The following TENM4 variants were observed in gnomAD, a reference collection of about 807,000 sequenced individuals.
TENM4 encodes teneurin-4.
In TENM4, 82 loss-of-function variants were observed where a neutral mutation model predicts 243.3. The ratio of observed to expected loss-of-function variants is 0.34; its 90% CI spans 0.28 to 0.40. The LOEUF is 0.40. TENM4 is among the 10% of genes least tolerant of loss of function. The probability of loss-of-function intolerance (pLI) is 1.00; values close to 1 mark genes in which losing one functional copy is unlikely to be tolerated. For synonymous variants in TENM4, 1,412 were observed against 1,456.3 expected (o/e 0.97, Z 0.69); for missense variants, 3,138 against 3,673.3 (o/e 0.85, Z 3.77).
intron 1 of TENM4, among the ~76,000 whole-genome samples, chr11:79,324,582 T>C (rs1856943379): frequency 6.6e-6 from 1 of 152,086 alleles, no homozygotes; most frequent in Non-Finnish European, 1.5e-5. Context: ...CATGGATGCA[T>C]GGAATCCATG....
At chr11:79,293,807 A>G (rs780592418) in intron 2 of TENM4, among the ~76,000 whole-genome samples, 2 of 152,200 alleles carry the variant, frequency 1.3e-5, no homozygotes, top group Admixed American at 6.5e-5. Context: ...CAATGACTGC[A>G]GCCACAGGGA....
At chr11:79,237,931 G>T (rs1424254550) in intron 2 of TENM4, among the ~76,000 whole-genome samples, 1 of 152,040 alleles carries the variant, frequency 6.6e-6, no homozygotes, top group Non-Finnish European at 1.5e-5. Flanking sequence ...TTCCTGTCCA[G>T]ATGTACAAAG....
chr11:79,200,780 C>A (rs528575386), intron 3 of TENM4, among the ~76,000 whole-genome samples: 1 of 152,274 alleles, frequency 6.6e-6, no homozygotes, highest in Admixed American at 6.5e-5. Flanking sequence ...AGCCTCTGAA[C>A]GTTTTGCCTG....
At chr11:79,213,058 G>A (rs947069580) in intron 3 of TENM4, among the ~76,000 whole-genome samples, 1 of 152,168 alleles carries the variant, frequency 6.6e-6, no homozygotes, top group African/African-American at 2.4e-5. Flanking sequence ...CAGGCTCATG[G>A]GGATGAATGG....
intron 9 of TENM4, among the ~76,000 whole-genome samples, chr11:78,879,411 T>G (rs7109983): frequency 2.5e-5 from 2 of 78,542 alleles, no homozygotes; most frequent in African/African-American, 5.4e-5. Context: ...AGGTGGGGAG[T>G]GCCTCTGCCC....
chr11:78,800,010 G>A (rs1010020093), intron 15 of TENM4, among the ~76,000 whole-genome samples: 1 of 152,176 alleles, frequency 6.6e-6, no homozygotes, highest in African/African-American at 2.4e-5. Flanking sequence ...AACCAACAGG[G>A]ACAAATGATG....
chr11:79,024,668 C>A (rs1859028635), intron 6 of TENM4, among the ~76,000 whole-genome samples: 1 of 152,188 alleles, frequency 6.6e-6, no homozygotes, highest in African/African-American at 2.4e-5. Flanking sequence ...TAGACTCTAG[C>A]ATACCCCTGG....
chr11:79,399,057 T>G (rs969594436), intron 1 of TENM4, among the ~76,000 whole-genome samples: 1 of 152,136 alleles, frequency 6.6e-6, no homozygotes, highest in Non-Finnish European at 1.5e-5. Context: ...AGAACAGGAT[T>G]TATTCAGCAG....
At chr11:79,412,701 C>T (rs187096173) in intron 1 of TENM4, among the ~76,000 whole-genome samples, 1 of 152,172 alleles carries the variant, frequency 6.6e-6, no homozygotes, top group Non-Finnish European at 1.5e-5. Flanking sequence ...AATACTCATC[C>T]CATCTCCCAG....
chr11:79,164,983 G>GTT, intron 3 of TENM4, among the ~76,000 whole-genome samples: 1 of 151,724 alleles, frequency 6.6e-6, no homozygotes, highest in Non-Finnish European at 1.5e-5. Flanking sequence ...GTGTGTGTGT[G>GTT]TGTGTGTGTG....
intron 6 of TENM4, among the ~76,000 whole-genome samples, chr11:79,007,221 A>G (rs1858508279): frequency 6.6e-6 from 1 of 152,164 alleles, no homozygotes; most frequent in Non-Finnish European, 1.5e-5. Context: ...CCTAAATGCT[A>G]TTTGAATGGT....
At chr11:78,704,375 G>T (rs192538413) in intron 27 of TENM4, among the ~76,000 whole-genome samples, 1 of 151,634 alleles carries the variant, frequency 6.6e-6, no homozygotes, top group African/African-American at 2.4e-5. Flanking sequence ...GTATACCATC[G>T]TCTATAAGAG....
chr11:79,022,146 G>A (rs370069203), intron 6 of TENM4, among the ~76,000 whole-genome samples: 132 of 152,200 alleles, frequency 8.7e-4, no homozygotes, highest in African/African-American at 2.9e-3. Context: ...ATGCTTTACC[G>A]ACCACCTATT....
chr11:79,413,028 C>T (rs758091291), intron 1 of TENM4, among the ~76,000 whole-genome samples: 26 of 152,204 alleles, frequency 1.7e-4, no homozygotes, highest in Non-Finnish European at 3.1e-4. Flanking sequence ...TTAGTTACAG[C>T]ATGTCCTAAT....
Position 79,088,529 on chromosome 11 carries a change from C to G in TENM4, c.-65-18520G>C, listed in dbSNP as rs141086577. 2.0e-5 allele frequency among the ~76,000 whole-genome samples: 3 copies of G among 152,284 alleles called. No individual in the cohort carries two copies. In the East Asian group the frequency reaches 5.8e-4, roughly 29 times the overall value. On this transcript the variant is annotated intron_variant, in intron 4 of 33. Coordinates refer to ENST00000278550, the MANE Select transcript of TENM4 (RefSeq NM_001098816.3). ...GCACAATTCACTTAACCTCTTTATT[C>G]CTCTATATCATCTTTGAAGTGGAGA...
At position 78,746,429 on chromosome 11, in the gene TENM4, C is replaced by T. The variant is rs182775424; in HGVS notation, c.2757-7859G>A. On this transcript the variant is annotated intron_variant, in intron 19 of 33. Coordinates refer to ENST00000278550, the MANE Select transcript of TENM4 (RefSeq NM_001098816.3). ...TGAGCTCCTTCAGACACCAAGGGAG[C>T]GTGAGCTCCCAGGCTGCAGAATCAA... is the stretch of plus-strand genomic sequence containing the variant. Among the ~76,000 whole-genome samples, 759 of 152,364 alleles carry T rather than the reference C, an allele frequency of 5.0e-3. 4 individuals are homozygous for T. Among genetic ancestry groups the T allele is most frequent in the African/African-American group, 0.017 (692 of 41,592 alleles).
chr11:79,085,672 C>T (rs542825888), intron 4 of TENM4, among the ~76,000 whole-genome samples: 3 of 152,120 alleles, frequency 2.0e-5, no homozygotes, highest in Non-Finnish European at 4.4e-5. Context: ...TATTTGCCTT[C>T]CCCTGATTCA....
At chr11:79,145,945 A>AT (rs1367752338) in intron 4 of TENM4, among the ~76,000 whole-genome samples, 16 of 151,830 alleles carry the variant, frequency 1.1e-4, no homozygotes, top group Admixed American at 2.6e-4. Context: ...TCTTTTGCCC[A>AT]TTTTTCTATT....
chr11:79,276,721 T>C (rs887529232), intron 2 of TENM4, among the ~76,000 whole-genome samples: 3 of 152,068 alleles, frequency 2.0e-5, no homozygotes, highest in Non-Finnish European at 4.4e-5. Context: ...ACAGGAGACT[T>C]TGGGGGCCTC....
Sources: gnomAD v4.1 joint callset for allele counts (sites outside exome capture counted in the v4.1 genomes callset) on GRCh38, gnomAD v4.1.1 for gene constraint, MANE v1.5 for transcripts, NCBI Gene and HGNC (gene_info 2026-07-23, HGNC 2026-07-21) for gene names.